Variants in DPP10 observed in about 807,000 individuals in gnomAD.
DPP10 encodes the protein dipeptidyl peptidase like 10.
DPP10 carries 33 observed loss-of-function variants against 120.9 expected under a neutral mutation model. The ratio of observed to expected loss-of-function variants is 0.27; its 90% CI spans 0.21 to 0.37. The LOEUF is 0.37. Among genes scored for constraint, DPP10 ranks in the 10% least tolerant of loss-of-function variants. The pLI, the probability that DPP10 is intolerant of heterozygous loss-of-function variation, is 1.00. For missense variants in DPP10, 816 were observed against 942.8 expected, an observed-to-expected ratio of 0.87 and a Z score of 1.76; for synonymous variants, 337 against 326.1, an observed-to-expected ratio of 1.03 and a Z score of -0.36.
At chr2:115,518,819 A>G (rs2077642089) in intron 4 of DPP10, among the ~76,000 whole-genome samples, 1 of 152,140 alleles carries the variant, frequency 6.6e-6, no homozygotes, top group Non-Finnish European at 1.5e-5. Flanking sequence ...GAAAACTCAT[A>G]CCGAAATTCT....
chr2:115,583,071 A>G (rs1395560288), intron 5 of DPP10, among the ~76,000 whole-genome samples: 1 of 152,216 alleles, frequency 6.6e-6, no homozygotes, highest in Non-Finnish European at 1.5e-5. Flanking sequence ...AGGAATTTAA[A>G]TCCAACAAAC....
intron 1 of DPP10, among the ~76,000 whole-genome samples, chr2:115,112,559 T>C (rs2104688250): frequency 6.6e-6 from 1 of 152,286 alleles, no homozygotes; most frequent in South Asian, 2.1e-4. Flanking sequence ...TTTTTTCTGA[T>C]AAGAATATCT....
At chr2:114,487,578 T>C (rs942020388) in intron 1 of DPP10, among the ~76,000 whole-genome samples, 1 of 152,210 alleles carries the variant, frequency 6.6e-6, no homozygotes, top group Non-Finnish European at 1.5e-5. Flanking sequence ...TTAAAAATGT[T>C]TAACCTTTAT....
chr2:114,946,902 G>A (rs1213843092), intron 1 of DPP10, among the ~76,000 whole-genome samples: 1 of 151,892 alleles, frequency 6.6e-6, no homozygotes, highest in Non-Finnish European at 1.5e-5. Context: ...TTTTTCCAAC[G>A]AAGACATGAG....
At chr2:115,704,140 A>T (rs1190911235) in intron 7 of DPP10, among the ~76,000 whole-genome samples, 1 of 151,920 alleles carries the variant, frequency 6.6e-6, no homozygotes, top group African/African-American at 2.4e-5. Flanking sequence ...CACAGAGCAC[A>T]TATTTTTCTC....
intron 1 of DPP10, among the ~76,000 whole-genome samples, chr2:114,536,482 T>G (rs1056343807): frequency 6.7e-6 from 1 of 148,360 alleles, no homozygotes; most frequent in African/African-American, 2.5e-5. Flanking sequence ...CTCAGCTCAC[T>G]GCAACCTCTG....
chr2:115,181,679 C>G (rs960107072), intron 1 of DPP10, among the ~76,000 whole-genome samples: 15 of 152,080 alleles, frequency 9.9e-5, no homozygotes, highest in Middle Eastern at 3.2e-3. Flanking sequence ...TTTCCTTGGT[C>G]AAAGCAGGAC....
intron 1 of DPP10, among the ~76,000 whole-genome samples, chr2:115,260,007 AATG>A (rs1156462752): frequency 3.3e-5 from 5 of 151,510 alleles, no homozygotes; most frequent in African/African-American, 9.7e-5. Context: ...CACTTTTAAA[AATG>A]ATATGTTTAA....
intron 1 of DPP10, among the ~76,000 whole-genome samples, chr2:114,897,240 G>T (rs1693094949): frequency 6.6e-6 from 1 of 152,136 alleles, no homozygotes; most frequent in Non-Finnish European, 1.5e-5. Context: ...TCAGGATGAT[G>T]CTGGCCTCAT....
Position 115,746,074 on chromosome 2 carries a change from A to G in DPP10, c.853-12A>G, listed in dbSNP as rs750450452. ...TTAATGTACTTGCAATACAACTTTC[A>G]TTTTCTCAAAGGCAGGTCAAGTGAA... On this transcript the variant is annotated splice_polypyrimidine_tract_variant and intron_variant, in intron 9 of 25. Transcript: ENST00000410059. 16 of 1,585,458 alleles carry G rather than the reference A, an allele frequency of 1.0e-5. No homozygotes were observed. The highest frequency in any genetic ancestry group is 1.7e-4 in the Middle Eastern group (1 of 6,004).
intron 2 of DPP10, 23 bp from the exon 3 acceptor site, chr2:115,343,794 A>G: frequency 6.4e-7 from 1 of 1,573,716 alleles, no homozygotes; most frequent in Non-Finnish European, 8.7e-7. Flanking sequence ...TAGGCATCTA[A>G]CCTAGAATTT....
chr2:115,451,007 A>C (rs185732466), intron 3 of DPP10, among the ~76,000 whole-genome samples: 41 of 152,040 alleles, frequency 2.7e-4, no homozygotes, highest in Admixed American at 1.4e-3. Flanking sequence ...GAGGAATCTG[A>C]GGCTCATAGA....
Position 115,721,739 on chromosome 2 carries a change from C to T in DPP10, c.577-6077C>T, listed in dbSNP as rs148338104. On this transcript the variant is annotated intron_variant, in intron 7 of 25. Coordinates refer to ENST00000410059, the MANE Select transcript of DPP10 (RefSeq NM_020868.6). The stretch of plus-strand genomic sequence containing the variant: ...AAATAAAACTACCTTATGATCTAGC[C>T]GTGCCAGTTCTGGGTATTTATTCAA... Among the ~76,000 whole-genome samples, 536 of 152,196 alleles carry T rather than the reference C, an allele frequency of 3.5e-3. 2 individuals are homozygous for T. Among genetic ancestry groups the T allele is most frequent in the Non-Finnish European group, 5.2e-3 (352 of 68,012 alleles).
chr2:115,312,210 A>G (rs564498248), intron 2 of DPP10, among the ~76,000 whole-genome samples: 10 of 152,330 alleles, frequency 6.6e-5, no homozygotes, highest in Admixed American at 6.5e-4. Context: ...TGTAGGAAGC[A>G]GACACCCTAC....
intron 3 of DPP10, among the ~76,000 whole-genome samples, chr2:115,352,373 G>T (rs1401253592): frequency 6.6e-6 from 1 of 152,088 alleles, no homozygotes; most frequent in African/African-American, 2.4e-5. Flanking sequence ...ATTCCAGATG[G>T]AATCTGTTTA....
chr2:115,098,018 G>A (rs183813696), intron 1 of DPP10, among the ~76,000 whole-genome samples: 259 of 152,294 alleles, frequency 1.7e-3, no homozygotes, highest in Non-Finnish European at 2.8e-3. Flanking sequence ...TAAGGCCACA[G>A]CAGATTCATC....
intron 5 of DPP10, among the ~76,000 whole-genome samples, chr2:115,664,063 G>T (rs1306404389): frequency 2.0e-5 from 3 of 151,540 alleles, no homozygotes; most frequent in Non-Finnish European, 4.4e-5. Flanking sequence ...CTTTATATCA[G>T]TGATGATATT....
chr2:114,628,043 G>A (rs1384543751), intron 1 of DPP10, among the ~76,000 whole-genome samples: 1 of 151,920 alleles, frequency 6.6e-6, no homozygotes, highest in Non-Finnish European at 1.5e-5. Flanking sequence ...GAGATATAAG[G>A]GACTGAAGGC....
intron 10 of DPP10, among the ~76,000 whole-genome samples, chr2:115,751,238 T>A (rs1678668632): frequency 6.6e-6 from 1 of 152,210 alleles, no homozygotes; most frequent in Non-Finnish European, 1.5e-5. Context: ...TCTAGAAAAA[T>A]CTATTAAAGG....
Sources: allele counts gnomAD v4.1 joint callset (sites outside exome capture counted in the v4.1 genomes callset), GRCh38; gene constraint gnomAD v4.1.1; transcripts MANE v1.5; gene names NCBI Gene and HGNC (gene_info 2026-07-23, HGNC 2026-07-21).